The following PRICKLE2 variants were observed in gnomAD, a reference collection of about 807,000 sequenced individuals.
PRICKLE2 encodes prickle-like protein 2.
In PRICKLE2, 21 loss-of-function variants were observed where a neutral mutation model predicts 81.4. The observed-to-expected ratio is 0.26, with a 90% CI of 0.18 to 0.37. The LOEUF (loss-of-function observed/expected upper bound fraction) is 0.37, where lower values mean the gene tolerates loss of function less well. Among genes scored for constraint, PRICKLE2 ranks in the 10% least tolerant of loss-of-function variants. PRICKLE2 has a pLI of 1.00. For missense variants in PRICKLE2, 940 were observed against 1,109.0 expected, an observed-to-expected ratio of 0.85 and a Z score of 2.16; for synonymous variants, 456 against 421.5, an observed-to-expected ratio of 1.08 and a Z score of -1.00.
intron 7 of PRICKLE2, among the ~76,000 whole-genome samples, chr3:64,112,657 A>C (rs569499011): frequency 6.6e-6 from 1 of 152,354 alleles, no homozygotes; most frequent in African/African-American, 2.4e-5. Flanking sequence ...TTAACCTCCA[A>C]GTGGGACCTA....
At chr3:64,230,921 A>G (rs949346967) in intron 2 of PRICKLE2, among the ~76,000 whole-genome samples, 2 of 152,252 alleles carry the variant, frequency 1.3e-5, no homozygotes, top group African/African-American at 4.8e-5. Context: ...TATAAATGAT[A>G]AAACTGTTCA....
At chr3:64,100,185 A>T (rs2076635469) in intron 7 of PRICKLE2, 1 of 522,900 alleles carries the variant, frequency 1.9e-6, no homozygotes, top group Non-Finnish European at 3.4e-6. Flanking sequence ...CCAAAGGCTC[A>T]TCAAAGTTAC....
Position 64,114,429 on chromosome 3 carries a change from T to C in PRICKLE2, c.1661-14504A>G, listed in dbSNP as rs555448824. 2.6e-5 allele frequency among the ~76,000 whole-genome samples: 4 copies of C among 152,270 alleles called. No homozygotes were observed. The South Asian group carries it at 8.3e-4, about 32-fold the overall frequency. On this transcript the variant is annotated intron_variant, in intron 7 of 7. Coordinates refer to ENST00000638394, the MANE Select transcript of PRICKLE2 (RefSeq NM_198859.4). ...AGAATATGGATAGGAATGAAGATCA[T>C]TGAGCTCAGTACACTGAAACCCAAT...
intron 2 of PRICKLE2, among the ~76,000 whole-genome samples, chr3:64,191,820 G>A (rs1310350143): frequency 6.6e-6 from 1 of 152,192 alleles, no homozygotes; most frequent in Non-Finnish European, 1.5e-5. Flanking sequence ...CACTGGACCA[G>A]GCTGTTTCCT....
At chr3:64,214,326 G>A (rs979151049) in intron 1 of PRICKLE2, among the ~76,000 whole-genome samples, 1 of 152,160 alleles carries the variant, frequency 6.6e-6, no homozygotes, top group Admixed American at 6.5e-5. Flanking sequence ...CAAGAGAATC[G>A]AGCGATTGGA....
At chr3:64,169,231 G>C (rs1333861301) in intron 2 of PRICKLE2, among the ~76,000 whole-genome samples, 1 of 152,122 alleles carries the variant, frequency 6.6e-6, no homozygotes, top group East Asian at 1.9e-4. Context: ...ACAATGGCTA[G>C]AGCTCCAGCA....
chr3:64,267,848 C>T (rs778731164), intron 2 of PRICKLE2: 3 of 152,290 alleles, frequency 2.0e-5, no homozygotes, highest in Non-Finnish European at 4.4e-5. Context: ...CAGGAGCAAA[C>T]ATGCCCCTGC....
chr3:64,214,213 T>C (rs1428969722), intron 1 of PRICKLE2, among the ~76,000 whole-genome samples: 1 of 152,072 alleles, frequency 6.6e-6, no homozygotes, highest in Non-Finnish European at 1.5e-5. Context: ...CAGGGGCCCT[T>C]TAATATCTGT....
chr3:64,164,330 C>T (rs1219788422), intron 2 of PRICKLE2, among the ~76,000 whole-genome samples: 10 of 152,096 alleles, frequency 6.6e-5, no homozygotes, highest in African/African-American at 1.9e-4. Context: ...GAGCAAGACT[C>T]TTTCTCAAAA....
chr3:64,184,533 G>A (rs1359891677), intron 2 of PRICKLE2, among the ~76,000 whole-genome samples: 7 of 152,056 alleles, frequency 4.6e-5, no homozygotes, highest in African/African-American at 1.7e-4. Flanking sequence ...TAATGCAATG[G>A]TGCTATTATA....
rs115550117 is a variant in PRICKLE2, at chr3:64,125,959, T to G, written c.1660+20871A>C. The stretch of plus-strand genomic sequence containing the variant: ...CAAAACATTATCATGAGTCTTTTTT[T>G]TTTGTTTGTTTTTAGTTATCTATGT... On this transcript the variant is annotated intron_variant, in intron 7 of 7. Coordinates refer to ENST00000638394, the MANE Select transcript of PRICKLE2 (RefSeq NM_198859.4). Among the ~76,000 whole-genome samples the G allele has an allele frequency of 2.9e-3, 445 of 152,316 alleles. 1 individual carries two copies. The highest frequency in any genetic ancestry group is 7.7e-3 in the South Asian group (37 of 4,828).
intron 7 of PRICKLE2, among the ~76,000 whole-genome samples, chr3:64,120,586 A>G (rs1352980146): frequency 8.5e-5 from 13 of 152,124 alleles, no homozygotes; most frequent in Admixed American, 7.9e-4. Flanking sequence ...GAAAATCTGA[A>G]TCCACTAAGT....
intron 2 of PRICKLE2, among the ~76,000 whole-genome samples, chr3:64,243,698 T>G (rs954951485): frequency 6.6e-6 from 1 of 152,186 alleles, no homozygotes; most frequent in Non-Finnish European, 1.5e-5. Flanking sequence ...GCCTGACACA[T>G]AGTAATAGTG....
chr3:64,136,764 G>C (rs1156727090), intron 7 of PRICKLE2, among the ~76,000 whole-genome samples: 1 of 152,060 alleles, frequency 6.6e-6, no homozygotes. Context: ...GAAGGTCAAG[G>C]TAGGAAGGTC....
At chr3:64,209,958 G>A (rs1196582718) in intron 1 of PRICKLE2, among the ~76,000 whole-genome samples, 21 of 152,104 alleles carry the variant, frequency 1.4e-4, no homozygotes, top group Admixed American at 8.5e-4. Flanking sequence ...GAGTTTTCCC[G>A]GCAGAGAAGA....
chr3:64,136,547 C>T (rs541832270), intron 7 of PRICKLE2, among the ~76,000 whole-genome samples: 15 of 151,404 alleles, frequency 9.9e-5, no homozygotes, highest in Admixed American at 2.6e-4. Context: ...AATAGACTCC[C>T]CAAAGCTAGC....
intron 7 of PRICKLE2, among the ~76,000 whole-genome samples, chr3:64,142,877 A>C (rs1296897825): frequency 1.3e-5 from 2 of 152,220 alleles, no homozygotes; most frequent in Non-Finnish European, 2.9e-5. Context: ...CTTATTCACA[A>C]AATTCCATGG....
chr3:64,221,646 G>C (rs182179441), intron 1 of PRICKLE2, among the ~76,000 whole-genome samples: 1 of 152,172 alleles, frequency 6.6e-6, no homozygotes, highest in African/African-American at 2.4e-5. Context: ...AAGCACCACA[G>C]TCATGGAGGG....
chr3:64,215,217 A>C (rs2078853601), intron 1 of PRICKLE2, among the ~76,000 whole-genome samples: 1 of 151,784 alleles, frequency 6.6e-6, no homozygotes, highest in Non-Finnish European at 1.5e-5. Flanking sequence ...ATTTTGTTCT[A>C]CTCTATTCCC....
Sources: gnomAD v4.1 joint callset for allele counts (sites outside exome capture counted in the v4.1 genomes callset) on GRCh38, gnomAD v4.1.1 for gene constraint, MANE v1.5 for transcripts, NCBI Gene and HGNC (gene_info 2026-07-23, HGNC 2026-07-21) for gene names.